PPP1R13B: variants seen among roughly 807,000 people sequenced by gnomAD.
PPP1R13B encodes apoptosis-stimulating of p53 protein 1.
PPP1R13B carries 44 observed loss-of-function variants against 119.8 expected under a neutral mutation model. The observed-to-expected ratio is 0.37, with a 90% CI of 0.29 to 0.47. The LOEUF (loss-of-function observed/expected upper bound fraction) is 0.47. Among genes scored for constraint, PPP1R13B ranks in the 20% least tolerant of loss-of-function variants. The pLI is 0.99. For missense variants in PPP1R13B, 1,227 were observed against 1,413.5 expected (o/e 0.87, Z 2.12); for synonymous variants, 542 against 561.5 (o/e 0.97, Z 0.49).
chr14:103,816,387 A>G (rs1371920384), intron 1 of PPP1R13B, among the ~76,000 whole-genome samples: 1 of 149,870 alleles, frequency 6.7e-6, no homozygotes, highest in African/African-American at 2.4e-5. Context: ...TGAACTCCAG[A>G]ACTCAGGCCA....
intron 3 of PPP1R13B, among the ~76,000 whole-genome samples, chr14:103,783,211 G>C (rs1052208350): frequency 7.3e-6 from 1 of 136,806 alleles, no homozygotes; most frequent in South Asian, 2.2e-4. Flanking sequence ...TTTATCTTTT[G>C]ACTTTTTTTT....
Position 103,738,211 on chromosome 14 carries a change from A to T in PPP1R13B, c.2865-351T>A, listed in dbSNP as rs1425596831. Among the ~76,000 whole-genome samples the T allele has an allele frequency of 1.3e-5, 2 of 152,232 alleles. No homozygotes were observed. Among genetic ancestry groups the T allele is most frequent in the Non-Finnish European group, 2.9e-5 (2 of 68,048 alleles). ...TTTTACCACGATTCAAATGCAGCAC[A>T]ATGTCAGCTGTCTGAAAGTTCAAAA... On this transcript the variant is annotated intron_variant, in intron 14 of 16. Transcript: ENST00000202556. The surrounding 1 kb of genome is among the most constrained non-coding windows in gnomAD (Gnocchi z 5.6).
chr14:103,818,877 T>C (rs996471770), intron 1 of PPP1R13B, among the ~76,000 whole-genome samples: 2 of 152,154 alleles, frequency 1.3e-5, no homozygotes, highest in Non-Finnish European at 2.9e-5. Context: ...TATAGTATAC[T>C]AGGTGGTACT....
chr14:103,745,242 C>A (rs2084357777), intron 9 of PPP1R13B, among the ~76,000 whole-genome samples: 1 of 152,190 alleles, frequency 6.6e-6, no homozygotes, highest in Non-Finnish European at 1.5e-5. Context: ...CCAAGCTCCC[C>A]AGTGGGGGCA....
At chr14:103,846,839 C>CT in intron 1 of PPP1R13B, 1 of 483,060 alleles carries the variant, frequency 2.1e-6, no homozygotes, top group Non-Finnish European at 4.0e-6. Flanking sequence ...CACTCGGCAC[C>CT]TTTCCTCAGT....
At chr14:103,770,316 C>A (rs916800325) in intron 4 of PPP1R13B, among the ~76,000 whole-genome samples, 29 of 152,088 alleles carry the variant, frequency 1.9e-4, no homozygotes, top group African/African-American at 6.8e-4. Context: ...GAGTTCGAGA[C>A]CAGCCTGGCC....
chr14:103,803,676 A>T (rs901746035), intron 1 of PPP1R13B, among the ~76,000 whole-genome samples: 1 of 152,170 alleles, frequency 6.6e-6, no homozygotes, highest in Non-Finnish European at 1.5e-5. Flanking sequence ...ATTAATTAAT[A>T]AACAAATAAA....
chr14:103,801,749 T>C (rs895614799), intron 1 of PPP1R13B, among the ~76,000 whole-genome samples: 8 of 152,176 alleles, frequency 5.3e-5, no homozygotes, highest in Non-Finnish European at 1.2e-4. Flanking sequence ...CACTAAAATC[T>C]GGTCAACTCC....
rs376238861 is a variant in PPP1R13B, at chr14:103,760,664, C to T, written c.355-2913G>A. On this transcript the variant is annotated intron_variant, in intron 4 of 16. Coordinates refer to ENST00000202556, the MANE Select transcript of PPP1R13B (RefSeq NM_015316.3). ...CCAGATCTCCTCCAACACCGATGTT[C>T]ACTACCTGAACTCTGGGTTCCAGGA... Among the ~76,000 whole-genome samples the T allele has an allele frequency of 1.1e-4, 17 of 152,140 alleles. No individual in the cohort carries two copies. In the East Asian group the frequency reaches 1.7e-3, roughly 16 times the overall value.
chr14:103,759,026 T>C (rs1462463343), intron 4 of PPP1R13B, among the ~76,000 whole-genome samples: 1 of 151,338 alleles, frequency 6.6e-6, no homozygotes, highest in Non-Finnish European at 1.5e-5. Flanking sequence ...TGGTGTGATC[T>C]TAGCTCACTG....
chr14:103,824,407 A>G (rs943079175), intron 1 of PPP1R13B, among the ~76,000 whole-genome samples: 2 of 148,402 alleles, frequency 1.3e-5, no homozygotes, highest in Admixed American at 1.3e-4. Flanking sequence ...AGAGACAGGC[A>G]TTATTAGGCA....
chr14:103,847,674 G>C, upstream of PPP1R13B: 3 of 955,216 alleles, frequency 3.1e-6, no homozygotes, highest in Non-Finnish European at 3.7e-6. Context: ...TGGCCCGGTG[G>C]GAGCGGGGGC....
At chr14:103,784,063 C>A (rs2085394433) in intron 3 of PPP1R13B, among the ~76,000 whole-genome samples, 1 of 152,016 alleles carries the variant, frequency 6.6e-6, no homozygotes, top group Non-Finnish European at 1.5e-5. Context: ...GTAATCCCAA[C>A]TACTCGGGAG....
chr14:103,826,613 CAGTTA>C (rs1354558332), intron 1 of PPP1R13B, among the ~76,000 whole-genome samples: 1 of 151,102 alleles, frequency 6.6e-6, no homozygotes, highest in African/African-American at 2.4e-5. Context: ...AAGTACAAAG[CAGTTA>C]AGTTTAGATT....
intron 1 of PPP1R13B, among the ~76,000 whole-genome samples, chr14:103,825,921 T>C (rs1477514637): frequency 1.3e-5 from 2 of 151,700 alleles, no homozygotes; most frequent in Admixed American, 1.3e-4. Context: ...CTTGGCTCAC[T>C]ACAACCTCCA....
intron 4 of PPP1R13B, among the ~76,000 whole-genome samples, chr14:103,765,986 T>TTCATTATTATTA (rs1555436562): frequency 7.2e-6 from 1 of 139,076 alleles, no homozygotes; most frequent in Non-Finnish European, 1.5e-5. Context: ...AAATTTTTAT[T>TTCATTATTATTA]TTATTATTAT....
At chr14:103,797,024 C>T (rs1415531823) in intron 2 of PPP1R13B, among the ~76,000 whole-genome samples, 1 of 135,226 alleles carries the variant, frequency 7.4e-6, no homozygotes, top group South Asian at 2.2e-4. Context: ...TTCATAATAG[C>T]CAAAAAAAAA....
intron 1 of PPP1R13B, among the ~76,000 whole-genome samples, chr14:103,807,269 T>C (rs1304097387): frequency 6.6e-6 from 1 of 152,212 alleles, no homozygotes; most frequent in Non-Finnish European, 1.5e-5. Context: ...CTACCTAAAA[T>C]AGCACTACTC....
chr14:103,760,055 G>C (rs1277389669), intron 4 of PPP1R13B, among the ~76,000 whole-genome samples: 1 of 152,098 alleles, frequency 6.6e-6, no homozygotes, highest in Non-Finnish European at 1.5e-5. Context: ...TTATTTCAAA[G>C]TGAATATGCC....
Sources: gnomAD v4.1 joint callset for allele counts (sites outside exome capture counted in the v4.1 genomes callset) on GRCh38, gnomAD v4.1.1 for gene constraint, Gnocchi (gnomAD v3.1) non-coding constraint, MANE v1.5 for transcripts, NCBI Gene and HGNC (gene_info 2026-07-23, HGNC 2026-07-21) for gene names.